ZNRF2: variants seen among roughly 807,000 people sequenced by gnomAD.
ZNRF2 encodes E3 ubiquitin-protein ligase ZNRF2.
In ZNRF2, 16 loss-of-function variants were observed where a neutral mutation model predicts 20.4. The observed-to-expected ratio is 0.79, with a 90% CI of 0.53 to 1.19. ZNRF2 has a LOEUF of 1.19. Ranked by LOEUF, ZNRF2 falls within the 50% of genes most tolerant of loss-of-function variation. The pLI is 0.00. For synonymous variants in ZNRF2, 178 were observed against 144.9 expected (o/e 1.23, Z -1.64); for missense variants, 363 against 332.4 (o/e 1.09, Z -0.72).
intron 2 of ZNRF2, among the ~76,000 whole-genome samples, chr7:30,344,228 CTTGT>C (rs1306297265): frequency 1.4e-5 from 2 of 144,878 alleles, no homozygotes; most frequent in Admixed American, 6.7e-5. Flanking sequence ...GGCCCCAGCT[CTTGT>C]TTCTTTTTTT....
intron 3 of ZNRF2, among the ~76,000 whole-genome samples, chr7:30,361,099 G>T (rs1800119608): frequency 6.6e-6 from 1 of 152,196 alleles, no homozygotes; most frequent in Admixed American, 6.5e-5. Flanking sequence ...GAGTACTCAT[G>T]TTAGCTCGCA....
At chr7:30,306,316 T>G (rs984610394) in intron 1 of ZNRF2, among the ~76,000 whole-genome samples, 1 of 152,036 alleles carries the variant, frequency 6.6e-6, no homozygotes, top group Non-Finnish European at 1.5e-5. Flanking sequence ...TTCAGTCTTT[T>G]ATGGCTTATT....
intron 1 of ZNRF2, among the ~76,000 whole-genome samples, chr7:30,290,434 A>T (rs1240374328): frequency 1.3e-4 from 20 of 152,186 alleles, no homozygotes; most frequent in Admixed American, 1.3e-3. Context: ...CAGGGTTGTT[A>T]TCTAGTGACT....
At chr7:30,309,036 C>A (rs1050993280) in intron 1 of ZNRF2, among the ~76,000 whole-genome samples, 1 of 152,116 alleles carries the variant, frequency 6.6e-6, no homozygotes, top group African/African-American at 2.4e-5. Flanking sequence ...ATGATGTCTT[C>A]ACTCCTGTAT....
intron 2 of ZNRF2, among the ~76,000 whole-genome samples, chr7:30,354,101 A>G (rs985127994): frequency 6.6e-6 from 1 of 152,040 alleles, no homozygotes; most frequent in Non-Finnish European, 1.5e-5. Context: ...AGAGAATGAG[A>G]AAAGGCATGG....
At chr7:30,357,935 C>T (rs917816661) in intron 3 of ZNRF2, among the ~76,000 whole-genome samples, 2 of 152,014 alleles carry the variant, frequency 1.3e-5, no homozygotes, top group African/African-American at 2.4e-5. Flanking sequence ...ATATAACAGT[C>T]CAAAAACATA....
chr7:30,345,339 T>G (rs1176832959), intron 2 of ZNRF2, among the ~76,000 whole-genome samples: 1 of 152,082 alleles, frequency 6.6e-6, no homozygotes, highest in Admixed American at 6.5e-5. Context: ...TTTTTTCCCC[T>G]TCCCTTCAGG....
chr7:30,302,809 A>G (rs1016837814), intron 1 of ZNRF2, among the ~76,000 whole-genome samples: 4 of 152,256 alleles, frequency 2.6e-5, no homozygotes, highest in African/African-American at 7.2e-5. Flanking sequence ...GCTCAAATTC[A>G]TACTCCAGTC....
At chr7:30,292,969 A>G (rs1312046002) in intron 1 of ZNRF2, among the ~76,000 whole-genome samples, 2 of 152,102 alleles carry the variant, frequency 1.3e-5, no homozygotes, top group South Asian at 2.1e-4. Context: ...TACTCTGGCT[A>G]TTGTGTGAGG....
intron 1 of ZNRF2, chr7:30,288,742 T>C (rs1798842846): frequency 1.3e-5 from 2 of 152,234 alleles, no homozygotes; most frequent in South Asian, 4.1e-4. Context: ...AATCTTGTCC[T>C]TATTATTCTT....
intron 2 of ZNRF2, among the ~76,000 whole-genome samples, chr7:30,338,548 A>T (rs1799751880): frequency 6.6e-6 from 1 of 151,108 alleles, no homozygotes; most frequent in South Asian, 2.1e-4. Flanking sequence ...TTCCTGTGTT[A>T]GTTTGCTGAG....
At chr7:30,337,609 G>C (rs1247367679) in intron 2 of ZNRF2, among the ~76,000 whole-genome samples, 1 of 152,024 alleles carries the variant, frequency 6.6e-6, no homozygotes, top group East Asian at 1.9e-4. Context: ...CTGTTTTCCA[G>C]GGCTATTCGT....
At chr7:30,360,985 G>A (rs1364671733) in intron 3 of ZNRF2, among the ~76,000 whole-genome samples, 1 of 152,210 alleles carries the variant, frequency 6.6e-6, no homozygotes, top group African/African-American at 2.4e-5. Flanking sequence ...ATATAGCCTA[G>A]AATGGAACAT....
chr7:30,328,055 G>C (rs1199372539), intron 2 of ZNRF2, among the ~76,000 whole-genome samples: 1 of 152,130 alleles, frequency 6.6e-6, no homozygotes, highest in African/African-American at 2.4e-5. Context: ...GACTGATTTG[G>C]AGGGTTACAG....
chr7:30,296,315 C>G (rs1799019756), intron 1 of ZNRF2, among the ~76,000 whole-genome samples: 1 of 152,108 alleles, frequency 6.6e-6, no homozygotes, highest in Non-Finnish European at 1.5e-5. Flanking sequence ...GCTTATAGCT[C>G]TTTTATAATC....
At chr7:30,363,482 C>T (rs1800160578) in intron 4 of ZNRF2, among the ~76,000 whole-genome samples, 1 of 152,124 alleles carries the variant, frequency 6.6e-6, no homozygotes, top group Non-Finnish European at 1.5e-5. Flanking sequence ...TATTCTGGTT[C>T]CAAAGACTGT....
chr7:30,329,755 T>G (rs1383306000), intron 2 of ZNRF2, among the ~76,000 whole-genome samples: 1 of 152,234 alleles, frequency 6.6e-6, no homozygotes, highest in Non-Finnish European at 1.5e-5. Flanking sequence ...TGAATAGTGC[T>G]GCAGTAAACA....
intron 2 of ZNRF2, among the ~76,000 whole-genome samples, chr7:30,353,552 T>C (rs976015073): frequency 6.6e-6 from 1 of 152,126 alleles, no homozygotes; most frequent in Non-Finnish European, 1.5e-5. Context: ...TAAAATAGCA[T>C]TGTGTTCTTA....
At chr7:30,318,051 T>C (rs1300023525) in intron 1 of ZNRF2, among the ~76,000 whole-genome samples, 1 of 152,172 alleles carries the variant, frequency 6.6e-6, no homozygotes, top group Non-Finnish European at 1.5e-5. Flanking sequence ...GATTACCTAA[T>C]TGAGATCAGA....
Sources: allele counts gnomAD v4.1 joint callset (sites outside exome capture counted in the v4.1 genomes callset), GRCh38; gene constraint gnomAD v4.1.1; transcripts MANE v1.5; gene names NCBI Gene and HGNC (gene_info 2026-07-23, HGNC 2026-07-21).